Variants in TEX14 observed in about 807,000 individuals in gnomAD.
TEX14 encodes testis expressed 14, intercellular bridge forming factor, also known as inactive serine/threonine-protein kinase TEX14.
TEX14 carries 168 observed loss-of-function variants against 178.6 expected under a neutral mutation model. The ratio of observed to expected loss-of-function variants is 0.94; its 90% CI spans 0.83 to 1.07. TEX14 has a LOEUF of 1.07. TEX14 is among the 50% of genes least tolerant of loss of function. The pLI is 0.00. For missense variants in TEX14, 1,730 were observed against 1,753.6 expected, an observed-to-expected ratio of 0.99 and a Z score of 0.24; for synonymous variants, 626 against 634.1, an observed-to-expected ratio of 0.99 and a Z score of 0.19.
intron 1 of TEX14, among the ~76,000 whole-genome samples, chr17:58,664,013 G>A (rs750543840): frequency 2.0e-5 from 3 of 152,180 alleles, no homozygotes; most frequent in Non-Finnish European, 4.4e-5. Context: ...AGCCTAGTGA[G>A]AGTGAGACCC....
At chr17:58,653,275 C>T (rs189061332) in intron 1 of TEX14, among the ~76,000 whole-genome samples, 1 of 152,266 alleles carries the variant, frequency 6.6e-6, no homozygotes, top group Admixed American at 6.5e-5. Context: ...CAGTGCTTAG[C>T]ATAGTACCTG....
chr17:58,562,393 G>A (rs987394019), intron 28 of TEX14, among the ~76,000 whole-genome samples: 1 of 152,240 alleles, frequency 6.6e-6, no homozygotes, highest in African/African-American at 2.4e-5. Context: ...TCACAGCACT[G>A]AGATGACTGA....
Position 58,559,483 on chromosome 17 carries a change from A to G in TEX14, c.4237T>C (p.Ser1413Pro). 6.5e-7 allele frequency: 1 copy of G among 1,527,280 alleles called. No individual in the cohort carries two copies. Among genetic ancestry groups the G allele is most frequent in the Non-Finnish European group, 9.1e-7 (1 of 1,102,966 alleles). The allele number at this position is 1,527,280 out of a possible 1,614,324, so 94.6% of individuals were successfully genotyped here. A position where few individuals can be genotyped will look rare whatever the true frequency, so the allele number is the denominator to read the frequency against. The change falls in exon 30 of 32, where the codon TCA (serine) becomes CCA (proline). Residue 1413 changes from serine (S) to proline (P), a missense_variant. Ser to Pro is a moderately conservative substitution (Grantham distance 74). This residue lies in a region of TEX14 where 941 missense variants were observed against 1,072.4 expected (regional missense o/e 0.88). Coordinates refer to ENST00000349033, the MANE Select transcript of TEX14 (RefSeq NM_031272.5). ...EDSITPERRK[S>P]EGVLGTSEED... ...TCAGAAGTCCCTAGAACACCCTCTG[A>G]TTTCCTTCTTTCTGGTGTAATGCTA...
intron 1 of TEX14, among the ~76,000 whole-genome samples, chr17:58,658,387 CTTTTTTTT>C (rs34857563): frequency 3.2e-5 from 3 of 95,032 alleles, no homozygotes; most frequent in East Asian, 6.6e-4. Context: ...TGTGCACCGG[CTTTTTTTT>C]TTTTTTTTTT....
At chr17:58,656,871 C>T (rs547864120) in intron 1 of TEX14, among the ~76,000 whole-genome samples, 39 of 136,980 alleles carry the variant, frequency 2.8e-4, no homozygotes, top group African/African-American at 1.1e-3. Flanking sequence ...TGCAGTGAGC[C>T]GAGATCATGC....
chr17:58,656,602 A>C (rs1027801689), intron 1 of TEX14, among the ~76,000 whole-genome samples: 4 of 150,916 alleles, frequency 2.7e-5, no homozygotes, highest in Non-Finnish European at 5.9e-5. Context: ...AAAACTACAA[A>C]AATTAGCCAT....
chr17:58,690,784 G>A (rs529473197), intron 1 of TEX14, among the ~76,000 whole-genome samples: 5 of 152,256 alleles, frequency 3.3e-5, no homozygotes, highest in African/African-American at 9.6e-5. Flanking sequence ...TATTCTCCCC[G>A]CCAGTAGGGA....
intron 1 of TEX14, chr17:58,675,353 C>A: frequency 6.5e-6 from 1 of 154,258 alleles, no homozygotes; most frequent in South Asian, 1.7e-4. Context: ...AAGATTGTGC[C>A]AAGCCTTGAG....
At chr17:58,622,323 G>A (rs2046017361) in intron 4 of TEX14, among the ~76,000 whole-genome samples, 1 of 151,978 alleles carries the variant, frequency 6.6e-6, no homozygotes, top group Non-Finnish European at 1.5e-5. Flanking sequence ...GTGCATGCTT[G>A]TAATCCGAGC....
At chr17:58,596,714 T>C (rs922108999) in intron 14 of TEX14, among the ~76,000 whole-genome samples, 3 of 149,082 alleles carry the variant, frequency 2.0e-5, no homozygotes, top group Non-Finnish European at 4.5e-5. Context: ...TGAAACCCCA[T>C]CTCTATGGAA....
At chr17:58,577,338 T>C (rs779436737) in intron 21 of TEX14, 37 bp downstream of exon 21, 1 of 858,762 alleles carries the variant, frequency 1.2e-6, no homozygotes, top group Non-Finnish European at 1.8e-6. Context: ...ATTGCATCTA[T>C]GAGTTTGAAA....
intron 1 of TEX14, among the ~76,000 whole-genome samples, chr17:58,685,296 TGTG>T (rs2047572028): frequency 6.6e-6 from 1 of 151,490 alleles, no homozygotes; most frequent in Non-Finnish European, 1.5e-5. Context: ...ATTAGCTGAG[TGTG>T]GTGGTGCACA....
chr17:58,557,366 G>T (rs1173262982), intron 31 of TEX14, among the ~76,000 whole-genome samples: 2 of 152,016 alleles, frequency 1.3e-5, no homozygotes, highest in Non-Finnish European at 1.5e-5. Flanking sequence ...TGCCTTCCGG[G>T]TTTAAGCGAT....
chr17:58,645,653 G>A (rs954130352), intron 2 of TEX14, among the ~76,000 whole-genome samples: 9 of 152,082 alleles, frequency 5.9e-5, no homozygotes, highest in South Asian at 2.1e-4. Context: ...CCACCTGCCC[G>A]GCCTATGGCT....
At chr17:58,648,258 G>A (rs572935892) in intron 2 of TEX14, 1 of 152,520 alleles carries the variant, frequency 6.6e-6, no homozygotes, top group East Asian at 1.9e-4. Flanking sequence ...CCACCACACT[G>A]TGCAGAACCC....
At chr17:58,628,024 G>A (rs1040250490) in intron 3 of TEX14, among the ~76,000 whole-genome samples, 1 of 150,786 alleles carries the variant, frequency 6.6e-6, no homozygotes, top group African/African-American at 2.4e-5. Flanking sequence ...AAATTGCTGG[G>A]ATTACAGGTG....
chr17:58,661,440 C>A lies in TEX14; in HGVS notation c.-1-9438G>T, dbSNP rs1486529353. On this transcript the variant is annotated intron_variant, in intron 1 of 31. Transcript: ENST00000349033. ...TCAAGCTGCGATAACATTTTGGCAACCTTGTCAAGGAGGTCGAGGCCCTTG... is the reference window on the plus strand; with the variant it reads ...TCAAGCTGCGATAACATTTTGGCAAACTTGTCAAGGAGGTCGAGGCCCTTG... The A allele has an allele frequency of 1.2e-5, 10 of 802,250 alleles. 1 individual carries two copies. Among genetic ancestry groups the A allele is most frequent in the Admixed American group, 1.0e-4 (6 of 59,000 alleles). The allele number at this position is 802,250 out of a possible 1,614,324, so 49.7% of individuals were successfully genotyped here.
chr17:58,677,119 C>CAA (rs35953337), intron 1 of TEX14, among the ~76,000 whole-genome samples: 91 of 78,556 alleles, frequency 1.2e-3, no homozygotes, highest in Non-Finnish European at 1.3e-3. Flanking sequence ...AACTCCGTCT[C>CAA]AAAAAAAAAA....
At chr17:58,663,148 C>T (rs1727623482) in intron 1 of TEX14, among the ~76,000 whole-genome samples, 1 of 150,556 alleles carries the variant, frequency 6.6e-6, no homozygotes, top group African/African-American at 2.4e-5. Flanking sequence ...GTTGGCCAGG[C>T]ATGGTGGCTC....
Sources: allele counts gnomAD v4.1 joint callset (sites outside exome capture counted in the v4.1 genomes callset), GRCh38; gene constraint gnomAD v4.1.1; regional missense constraint gnomAD v4.1.1; transcripts MANE v1.5; gene names NCBI Gene and HGNC (gene_info 2026-07-23, HGNC 2026-07-21).